Variants in MAPKAPK2 observed in about 807,000 individuals in gnomAD.
The protein encoded by MAPKAPK2 is MAP kinase-activated protein kinase 2.
Under a neutral mutation model 48.8 loss-of-function variants are expected in MAPKAPK2, and 9 were observed. The observed-to-expected ratio is 0.18, with a 90% CI of 0.11 to 0.32. MAPKAPK2 has a LOEUF of 0.32. MAPKAPK2 is among the 10% of genes least tolerant of loss of function. MAPKAPK2 has a pLI of 1.00. For missense variants in MAPKAPK2, 331 were observed against 498.3 expected (o/e 0.66, Z 3.20); for synonymous variants, 202 against 190.6 (o/e 1.06, Z -0.49).
chr1:206,727,710 T>A (rs1673746773), intron 1 of MAPKAPK2, among the ~76,000 whole-genome samples: 2 of 152,176 alleles, frequency 1.3e-5, no homozygotes, highest in South Asian at 4.1e-4. Flanking sequence ...AAGCTCCACC[T>A]CTCAGGGTTC....
In MAPKAPK2 at chr1:206,728,769, G is replaced by T. The variant is rs374754928; in HGVS notation, c.339G>T (p.Gln113His). ...TGGAGCTGCACTGGCGGGCCTCCCAGTGCCCGCACATCGTACGGATCGTGG... is the reference window on the plus strand; with the variant it reads ...TGGAGCTGCACTGGCGGGCCTCCCATTGCCCGCACATCGTACGGATCGTGG... The part of the protein sequence containing the change: ...REVELHWRAS[Q>H]CPHIVRIVDV... Residue 113 changes from glutamine to histidine, a missense_variant, in exon 2 of 10, where the codon CAG becomes CAT. Coordinates refer to ENST00000367103, the MANE Select transcript of MAPKAPK2 (RefSeq NM_032960.4). 7 of 1,613,856 alleles carry T rather than the reference G, an allele frequency of 4.3e-6. No individual in the cohort carries two copies. The highest frequency in any genetic ancestry group is 1.1e-5 in the South Asian group (1 of 91,082).
At position 206,728,421 on chromosome 1, in the gene MAPKAPK2, C is replaced by T. The variant is rs147048764; in HGVS notation, c.280-289C>T. ...GTACCTGAGTGCTGCCTGCCTTCCA[C>T]AGTAGACTTTATGGCCTAAGCTGGA... is the stretch of plus-strand genomic sequence containing the variant. On this transcript the variant is annotated intron_variant, in intron 1 of 9. Transcript: ENST00000367103. Among the ~76,000 whole-genome samples, 1,017 of 152,278 alleles carry T rather than the reference C, an allele frequency of 6.7e-3. 10 individuals are homozygous for T. The highest frequency in any genetic ancestry group is 0.023 in the African/African-American group (955 of 41,550).
intron 1 of MAPKAPK2, among the ~76,000 whole-genome samples, chr1:206,698,405 A>G (rs1035083039): frequency 1.7e-4 from 26 of 152,220 alleles, no homozygotes; most frequent in Admixed American, 5.2e-4. Context: ...GGTACCTTCT[A>G]TACCCTTGAG....
chr1:206,732,995 G>T lies in MAPKAPK2; in HGVS notation c.*277G>T. On this transcript the variant is annotated 3_prime_UTR_variant, in exon 10 of 10. Coordinates refer to ENST00000367103, the MANE Select transcript of MAPKAPK2 (RefSeq NM_032960.4). This position sits in a 1 kb window ranked among gnomAD's most constrained non-coding sequence, Gnocchi z 4.4. ...CAGTAATTTGACTTAGAGTTTTTAC[G>T]AAACCTCTTTTGTTGTCCTTGCCCC... 1 of 422,298 alleles carries T rather than the reference G, an allele frequency of 2.4e-6. No individual in the cohort carries two copies. The highest frequency in any genetic ancestry group is 4.3e-6 in the Non-Finnish European group (1 of 234,130). 26.2% of individuals were successfully genotyped at this position (422,298 alleles called of 1,614,324 possible).
intron 1 of MAPKAPK2, among the ~76,000 whole-genome samples, chr1:206,705,411 A>C (rs782655388): frequency 6.6e-6 from 1 of 152,228 alleles, no homozygotes; most frequent in African/African-American, 2.4e-5. Context: ...ATGGGGTTGC[A>C]TGAGTAGACA....
chr1:206,728,897 A>G (rs368513247), intron 2 of MAPKAPK2, 48 bp downstream of exon 2: 21 of 1,611,532 alleles, frequency 1.3e-5, no homozygotes, highest in Non-Finnish European at 1.7e-5. Flanking sequence ...CCCACTCCTC[A>G]CTCAGGCACC....
intron 1 of MAPKAPK2, among the ~76,000 whole-genome samples, chr1:206,692,271 G>T (rs1553426413): frequency 6.6e-6 from 1 of 152,178 alleles, no homozygotes; most frequent in African/African-American, 2.4e-5. Flanking sequence ...TGGATTAGGG[G>T]TTGTTCTTAG....
At chr1:206,716,194 G>A (rs1673325360) in intron 1 of MAPKAPK2, among the ~76,000 whole-genome samples, 1 of 151,704 alleles carries the variant, frequency 6.6e-6, no homozygotes, top group South Asian at 2.1e-4. Context: ...CTTCAGCTGT[G>A]TGAGAGGTAA....
At chr1:206,697,338 C>G (rs1480681063) in intron 1 of MAPKAPK2, among the ~76,000 whole-genome samples, 1 of 152,152 alleles carries the variant, frequency 6.6e-6, no homozygotes, top group African/African-American at 2.4e-5. Context: ...CTGTATTAGT[C>G]CATTTTGTGT....
intron 1 of MAPKAPK2, among the ~76,000 whole-genome samples, chr1:206,691,984 A>C (rs188495315): frequency 3.3e-4 from 50 of 152,364 alleles, no homozygotes; most frequent in Non-Finnish European, 6.5e-4. Flanking sequence ...CAGGGTGTGC[A>C]TCTTCTCTTT....
chr1:206,702,959 G>A (rs1672845895), intron 1 of MAPKAPK2, among the ~76,000 whole-genome samples: 1 of 152,170 alleles, frequency 6.6e-6, no homozygotes, highest in African/African-American at 2.4e-5. Flanking sequence ...CTGCCCTAGT[G>A]AGGGTTCATT....
At chr1:206,730,874 C>A in intron 6 of MAPKAPK2, 111 bp downstream of exon 6, 2 of 1,131,548 alleles carry the variant, frequency 1.8e-6, no homozygotes, top group Non-Finnish European at 2.6e-6. Flanking sequence ...ACAGGGGAGT[C>A]CCCTGCGTGC....
At chr1:206,724,515 A>C (rs1386425655) in intron 1 of MAPKAPK2, among the ~76,000 whole-genome samples, 3 of 150,236 alleles carry the variant, frequency 2.0e-5, no homozygotes, top group Non-Finnish European at 2.9e-5. Context: ...GATTTCTGAT[A>C]AACATGTGCC....
rs1673874147 is a variant in MAPKAPK2 at position 206,730,742 on chromosome 1, T to C, written c.746T>C (p.Leu249Pro). 7.5e-7 allele frequency: 1 copy of C among 1,334,930 alleles called. No individual in the cohort carries two copies. Among genetic ancestry groups the C allele is most frequent in the Non-Finnish European group, 1.0e-6 (1 of 995,504 alleles). The allele number at this position is 1,334,930 out of a possible 1,614,324, so 82.7% of individuals were successfully genotyped here. A position where few individuals can be genotyped will look rare whatever the true frequency, so the allele number is the denominator to read the frequency against. Reference protein sequence around the residue: ...KYDKSCDMWSLGVIMYILLCG... With the variant: ...KYDKSCDMWSPGVIMYILLCG... The stretch of plus-strand genomic sequence containing the variant: ...GACAAGTCCTGTGACATGTGGTCCC[T>C]GGGTGTCATCATGTACATCCTGTGA... The change falls in exon 6 of 10, where the codon CTG becomes CCG. Residue 249 changes from leucine to proline, a missense_variant. By Grantham distance (98) the Leu-to-Pro change is moderately conservative. This residue lies in a region of MAPKAPK2 where 3 missense variants were observed against 29.2 expected (regional missense o/e 0.10). Coordinates refer to ENST00000367103, the MANE Select transcript of MAPKAPK2 (RefSeq NM_032960.4).
intron 1 of MAPKAPK2, among the ~76,000 whole-genome samples, chr1:206,688,489 C>T (rs1043529528): frequency 2.0e-5 from 3 of 152,200 alleles, no homozygotes; most frequent in Non-Finnish European, 2.9e-5. Context: ...TGGGTATTTG[C>T]TGCTCCTGAG....
chr1:206,701,347 T>C (rs1553427872), intron 1 of MAPKAPK2, among the ~76,000 whole-genome samples: 1 of 152,236 alleles, frequency 6.6e-6, no homozygotes, highest in Non-Finnish European at 1.5e-5. Context: ...CACGGTTTTA[T>C]GTGGCACAGA....
rs782022011 is a variant in MAPKAPK2 at position 206,732,608 on chromosome 1, G to A, written c.1093G>A (p.Val365Ile). 1.9e-6 allele frequency: 3 copies of A among 1,613,966 alleles called. No homozygotes were observed. Among genetic ancestry groups the A allele is most frequent in the African/African-American group, 1.3e-5 (1 of 74,914 alleles). The change falls in exon 10 of 10, where the codon GTT (valine) becomes ATT (isoleucine). Residue 365 changes from valine (V) to isoleucine (I), a missense_variant. Val to Ile is a conservative substitution (Grantham distance 29). Coordinates refer to ENST00000367103, the MANE Select transcript of MAPKAPK2 (RefSeq NM_032960.4). The surrounding 1 kb of genome is among the most constrained non-coding windows in gnomAD (Gnocchi z 4.4). ...EMTSALATMR[V>I]DYEQIKIKKI... Reference sequence around the variant, plus strand: ...GACCAGTGCCTTGGCCACAATGCGCGTTGACTACGAGCAGATCAAGATAAA... The same window carrying A: ...GACCAGTGCCTTGGCCACAATGCGCATTGACTACGAGCAGATCAAGATAAA...
chr1:206,731,671 A>G lies in MAPKAPK2; in HGVS notation c.924A>G (p.Thr308=). 6 of 1,614,156 alleles carry G rather than the reference A, an allele frequency of 3.7e-6. No individual in the cohort carries two copies. The highest frequency in any genetic ancestry group is 5.1e-6 in the Non-Finnish European group (6 of 1,180,012). Residue 308 remains threonine, a synonymous_variant, in exon 8 of 10, where the codon ACA becomes ACG. Transcript: ENST00000367103. This position sits in a 1 kb window ranked among gnomAD's most constrained non-coding sequence, Gnocchi z 5.9. ...VKMLIRNLLK[T]EPTQRMTITE... ...TGCTCATTCGGAATCTGCTGAAAAC[A>G]GAGCCCACCCAGAGAATGACCATCA...
chr1:206,703,027 A>G (rs1672849312), intron 1 of MAPKAPK2, among the ~76,000 whole-genome samples: 1 of 152,168 alleles, frequency 6.6e-6, no homozygotes, highest in Non-Finnish European at 1.5e-5. Flanking sequence ...CCTCCCTGCT[A>G]GACCAAGCTC....
Sources: gnomAD v4.1 joint callset for allele counts (sites outside exome capture counted in the v4.1 genomes callset) on GRCh38, gnomAD v4.1.1 for gene constraint, gnomAD v4.1.1 regional missense constraint, Gnocchi (gnomAD v3.1) non-coding constraint, MANE v1.5 for transcripts, NCBI Gene and HGNC (gene_info 2026-07-23, HGNC 2026-07-21) for gene names.